SNED1: variants seen among roughly 807,000 people sequenced by gnomAD.
SNED1 encodes sushi, nidogen and EGF like domains 1.
SNED1 carries 81 observed loss-of-function variants against 166.7 expected under a neutral mutation model. That is an observed-to-expected ratio of 0.49 (90% CI 0.41 to 0.58). SNED1 has a LOEUF of 0.58. Among genes scored for constraint, SNED1 ranks in the 20% least tolerant of loss-of-function variants. The probability of loss-of-function intolerance (pLI) is 0.00; values close to 1 mark genes in which losing one functional copy is unlikely to be tolerated. For synonymous variants in SNED1, 762 were observed against 822.0 expected (o/e 0.93, Z 1.25); for missense variants, 1,604 against 2,000.2 (o/e 0.80, Z 3.78).
rs2060463897 is a variant in SNED1, at chr2:241,013,023, A to G, written c.213+13973A>G. Among the ~76,000 whole-genome samples, 1 of 151,928 alleles carries G rather than the reference A, an allele frequency of 6.6e-6. No individual in the cohort carries two copies. Among genetic ancestry groups the G allele is most frequent in the Admixed American group, 6.6e-5 (1 of 15,250 alleles). Reference sequence around the variant, plus strand: ...CTAATTTTTTGTATTTTCAGTAGAGACAGGGTTTCACCATGTTAGCCAGGA... The same window carrying G: ...CTAATTTTTTGTATTTTCAGTAGAGGCAGGGTTTCACCATGTTAGCCAGGA... On this transcript the variant is annotated intron_variant, in intron 1 of 31. Coordinates refer to ENST00000310397, the MANE Select transcript of SNED1 (RefSeq NM_001080437.3). This position sits in a 1 kb window ranked among gnomAD's most constrained non-coding sequence, Gnocchi z 4.6.
chr2:241,009,533 G>A (rs1011047458), intron 1 of SNED1, among the ~76,000 whole-genome samples: 1 of 152,128 alleles, frequency 6.6e-6, no homozygotes, highest in African/African-American at 2.4e-5. Flanking sequence ...CAGCAAGAGG[G>A]ACAGGGCATG....
chr2:241,090,375 TC>T (rs1559323437), intron 31 of SNED1: 4 of 1,550,278 alleles, frequency 2.6e-6, no homozygotes, highest in Non-Finnish European at 3.5e-6. Context: ...GATGCCTTCT[TC>T]TGGAAACCTC....
Position 241,082,329 on chromosome 2 carries a change from C to G in SNED1, c.4086C>G (p.Ala1362=). The change falls in exon 29 of 32, where the codon GCC becomes GCG. Residue 1362 remains alanine (A), a synonymous_variant. Transcript: ENST00000310397. ...CAAGGCTGTTCTCCGAGACAAAGGC[C>G]TTTCCAGTCTGGGAGGGAGGCGTCT... ...PCTRLFSETK[A]FPVWEGGVCH... The G allele has an allele frequency of 6.2e-7, 1 of 1,613,672 alleles. No homozygotes were observed. Among genetic ancestry groups the G allele is most frequent in the Non-Finnish European group, 8.5e-7 (1 of 1,179,598 alleles).
intron 29 of SNED1, 92 bp from the exon 30 acceptor site, chr2:241,087,300 C>A: frequency 8.3e-7 from 1 of 1,202,498 alleles, no homozygotes; most frequent in Non-Finnish European, 1.2e-6. Flanking sequence ...CAAACACCTT[C>A]AGGTTTACTG....
intron 16 of SNED1, among the ~76,000 whole-genome samples, chr2:241,060,810 A>C (rs1411373259): frequency 1.3e-5 from 2 of 152,134 alleles, no homozygotes; most frequent in Non-Finnish European, 2.9e-5. Context: ...ATGCACCTGT[A>C]GTCCCAGCTA....
At chr2:241,063,825 C>T (rs745872067) in intron 18 of SNED1, 125 bp downstream of exon 18, 111 of 708,854 alleles carry the variant, frequency 1.6e-4, no homozygotes, top group Non-Finnish European at 2.2e-4. Flanking sequence ...CCCAGGGCTG[C>T]GGCCACCTTG....
At position 241,064,149 on chromosome 2, in the gene SNED1, C is replaced by G. The variant is rs567355562; in HGVS notation, c.2599+24C>G. 11 of 1,436,116 alleles carry G rather than the reference C, an allele frequency of 7.7e-6. No homozygotes were observed. Among genetic ancestry groups the G allele is most frequent in the South Asian group, 2.6e-5 (2 of 78,344 alleles). 89.0% of individuals were successfully genotyped at this position (1,436,116 alleles called of 1,614,324 possible). A position where few individuals can be genotyped will look rare whatever the true frequency, so the allele number is the denominator to read the frequency against. On this transcript the variant is annotated intron_variant, in intron 19 of 31. Transcript: ENST00000310397. This position sits in a 1 kb window ranked among gnomAD's most constrained non-coding sequence, Gnocchi z 7.0. Reference sequence around the variant, plus strand: ...AGGTAGGGCGGCAGGCCTGCCTGCTCCCCGCCCTCTGCCCGCCTGCTCCCC... The same window carrying G: ...AGGTAGGGCGGCAGGCCTGCCTGCTGCCCGCCCTCTGCCCGCCTGCTCCCC...
rs2062851208 is a variant in SNED1, at chr2:241,073,514, G to A, written c.3916+150G>A. ...GGCTGAGCACCAGGCACCCCGGTGT[G>A]GGAAGATGGGGTGAAGCTACACCAC... is the stretch of plus-strand genomic sequence containing the variant. On this transcript the variant is annotated intron_variant, in intron 27 of 31. Transcript: ENST00000310397. This position sits in a 1 kb window ranked among gnomAD's most constrained non-coding sequence, Gnocchi z 6.6. 1 of 691,534 alleles carries A rather than the reference G, an allele frequency of 1.4e-6. No individual in the cohort carries two copies. Among genetic ancestry groups the A allele is most frequent in the East Asian group, 2.7e-5 (1 of 36,716 alleles). The allele number at this position is 691,534 out of a possible 1,614,324, so 42.8% of individuals were successfully genotyped here.
intron 26 of SNED1, chr2:241,072,959 A>G: frequency 2.4e-6 from 1 of 420,338 alleles, no homozygotes; most frequent in Non-Finnish European, 4.2e-6. Context: ...CCTAAGAAGA[A>G]AGCAACCGCA....
rs755045260 is a variant in SNED1 at position 241,064,107 on chromosome 2, G to A, written c.2581G>A (p.Gly861Ser). Residue 861 changes from glycine to serine, a missense_variant, in exon 19 of 32, where the codon GGC (glycine) becomes AGC (serine). Gly to Ser is a moderately conservative substitution (Grantham distance 56, BLOSUM62 0). Around this residue, in one of 2 missense-constraint regions of SNED1, gnomAD observed 1,237 missense variants for 1,620.8 expected, o/e 0.76. Transcript: ENST00000310397. The surrounding 1 kb of genome is among the most constrained non-coding windows in gnomAD (Gnocchi z 7.0). ...YLCVCPESFFGYHCETVSDPC... is the reference protein window; with the variant it reads ...YLCVCPESFFSYHCETVSDPC... ...GTGCGTCTGCCCAGAGAGCTTCTTCGGCTACCACTGCGAGACAGGTAGGGC... is the reference window on the plus strand; with the variant it reads ...GTGCGTCTGCCCAGAGAGCTTCTTCAGCTACCACTGCGAGACAGGTAGGGC... 3.2e-6 allele frequency: 5 copies of A among 1,563,462 alleles called. No homozygotes were observed. The South Asian group carries it at 3.5e-5, about 11-fold the overall frequency.
rs538306651 is a variant in SNED1, at chr2:241,083,733, T to C, written c.4121+1369T>C. ...CCCTTCACTTCCTGAAAGCATTCTATCCTTTCACTTTTAACCTATCTGCAT... is the reference window on the plus strand; with the variant it reads ...CCCTTCACTTCCTGAAAGCATTCTACCCTTTCACTTTTAACCTATCTGCAT... On this transcript the variant is annotated intron_variant, in intron 29 of 31. Coordinates refer to ENST00000310397, the MANE Select transcript of SNED1 (RefSeq NM_001080437.3). Among the ~76,000 whole-genome samples the C allele has an allele frequency of 3.9e-5, 6 of 152,310 alleles. No homozygotes were observed. In the South Asian group the frequency reaches 8.3e-4, roughly 21 times the overall value.
In SNED1 at chr2:241,050,059, T is replaced by C. The variant is rs2061788869; in HGVS notation, c.1735+126T>C. ...TGCTGACCTCGTCTAGAGCCTTGCC[T>C]GATGTGCTGCTCTGTTCTGTGTATT... is the stretch of plus-strand genomic sequence containing the variant. On this transcript the variant is annotated intron_variant, in intron 12 of 31. Coordinates refer to ENST00000310397, the MANE Select transcript of SNED1 (RefSeq NM_001080437.3). 4.0e-6 allele frequency: 3 copies of C among 749,448 alleles called. No individual in the cohort carries two copies. In the Admixed American group the frequency reaches 6.0e-5, roughly 15 times the overall value. 46.4% of individuals were successfully genotyped at this position (749,448 alleles called of 1,614,324 possible). A position where few individuals can be genotyped will look rare whatever the true frequency, so the allele number is the denominator to read the frequency against.
In SNED1 at chr2:241,089,475, C is replaced by A. The variant is rs556041464; in HGVS notation, c.*1+1073C>A. On this transcript the variant is annotated intron_variant, in intron 31 of 31. Transcript: ENST00000310397. ...CACCAAAGGAAGAGTGTCCACACCC[C>A]CTTGGGGGAAAGGTCTGGGCCGGAG... The A allele has an allele frequency of 4.1e-5, 63 of 1,520,608 alleles. No homozygotes were observed. The African/African-American group carries it at 7.9e-4, about 19-fold the overall frequency. The allele number at this position is 1,520,608 out of a possible 1,614,324, so 94.2% of individuals were successfully genotyped here. A position where few individuals can be genotyped will look rare whatever the true frequency, so the allele number is the denominator to read the frequency against.
chr2:241,088,988 G>C (rs2063735484), intron 31 of SNED1: 1 of 277,954 alleles, frequency 3.6e-6, no homozygotes, highest in Non-Finnish European at 6.7e-6. Context: ...CATAAATCCT[G>C]ACGTGAAAGG....
intron 3 of SNED1, among the ~76,000 whole-genome samples, chr2:241,034,252 G>A (rs1038181784): frequency 6.6e-5 from 10 of 152,232 alleles, no homozygotes; most frequent in African/African-American, 2.4e-4. Context: ...TGGCCACAGG[G>A]TCAGTGCTCC....
chr2:241,087,505 T>C, intron 30 of SNED1, 30 bp downstream of exon 30: 1 of 1,580,642 alleles, frequency 6.3e-7, no homozygotes, highest in Non-Finnish European at 8.6e-7. Context: ...CCATGCCGTG[T>C]CCTGCATGTA....
chr2:240,998,923 C>T lies in SNED1; in HGVS notation c.86C>T (p.Ala29Val). The T allele has an allele frequency of 8.0e-7, 1 of 1,257,432 alleles. No homozygotes were observed. The highest frequency in any genetic ancestry group is 1.0e-6 in the Non-Finnish European group (1 of 1,000,490). 77.9% of individuals were successfully genotyped at this position (1,257,432 alleles called of 1,614,324 possible). Residue 29 changes from alanine to valine, a missense_variant, in exon 1 of 32, where the codon GCC (alanine) becomes GTC (valine). Ala to Val is a moderately conservative substitution (Grantham distance 64). This residue lies in a region of SNED1 where 1,237 missense variants were observed against 1,620.8 expected (regional missense o/e 0.76). Transcript: ENST00000310397. ...ARGVRGAVAL[A>V]DFYPFGAERG... is the part of the protein sequence containing the mutation. Reference sequence around the variant, plus strand: ...GGGGTGCGCGGCGCGGTGGCCCTTGCCGACTTCTACCCGTTCGGCGCCGAG... The same window carrying T: ...GGGGTGCGCGGCGCGGTGGCCCTTGTCGACTTCTACCCGTTCGGCGCCGAG...
chr2:241,048,357 A>G lies in SNED1; in HGVS notation c.1316A>G (p.His439Arg), dbSNP rs754383001. The G allele has an allele frequency of 3.1e-6, 5 of 1,611,584 alleles. No individual in the cohort carries two copies. Among genetic ancestry groups the G allele is most frequent in the South Asian group, 2.2e-5 (2 of 90,372 alleles). ...VPDACLSAPC[H>R]NGGTCVDADQ... is the part of the protein sequence containing the mutation. ...GACGCCTGCCTCTCGGCCCCTTGCC[A>G]CAATGGGGGCACCTGTGTGGATGCG... The change falls in exon 9 of 32, where the codon CAC (histidine) becomes CGC (arginine). Residue 439 changes from histidine (H) to arginine (R), a missense_variant. Physicochemically the swap from His to Arg is conservative, Grantham distance 29 (BLOSUM62 0). Coordinates refer to ENST00000310397, the MANE Select transcript of SNED1 (RefSeq NM_001080437.3).
At chr2:241,088,134 C>T in intron 30 of SNED1, 1 of 536,636 alleles carries the variant, frequency 1.9e-6, no homozygotes, top group Admixed American at 3.5e-5. Context: ...TGACTCACAG[C>T]CAGCCAGGTT....
Sources: allele counts gnomAD v4.1 joint callset (sites outside exome capture counted in the v4.1 genomes callset), GRCh38; gene constraint gnomAD v4.1.1; regional missense constraint gnomAD v4.1.1; non-coding constraint Gnocchi (gnomAD v3.1); transcripts MANE v1.5; gene names NCBI Gene and HGNC (gene_info 2026-07-23, HGNC 2026-07-21).